THOC7: variants seen among roughly 807,000 people sequenced by gnomAD.
THOC7 encodes NIF3L1-binding protein 1.
A neutral mutation model predicts 33.1 loss-of-function variants in THOC7; 22 were observed. That is an observed-to-expected ratio of 0.66 (90% confidence interval 0.47 to 0.95). The LOEUF is 0.95. Ranked by LOEUF, THOC7 falls within the 40% of genes least tolerant of loss-of-function variation. The pLI, the probability that THOC7 is intolerant of heterozygous loss-of-function variation, is 0.00. For missense variants in THOC7, 184 were observed against 245.3 expected, an observed-to-expected ratio of 0.75 and a Z score of 1.67; for synonymous variants, 77 against 76.8, an observed-to-expected ratio of 1.00 and a Z score of -0.01.
chr3:63,846,245 T>C (rs1431900768), intron 1 of THOC7: 1 of 447,838 alleles, frequency 2.2e-6, no homozygotes, highest in Admixed American at 2.4e-5. Context: ...ACAGTTTCCT[T>C]ATAAGAGAAT....
chr3:63,846,156 C>T (rs1386168002), intron 1 of THOC7: 1 of 435,272 alleles, frequency 2.3e-6, no homozygotes, highest in Admixed American at 2.5e-5. Context: ...TCTTTCTTTG[C>T]CTGAATATTT....
At chr3:63,834,370 A>G (rs755501353) in intron 7 of THOC7, among the ~76,000 whole-genome samples, 171 bp from the exon 8 acceptor site, 8 of 152,114 alleles carry the variant, frequency 5.3e-5, no homozygotes, top group Non-Finnish European at 1.2e-4. Context: ...TAAAAAAAAA[A>G]AAATCCAGGC....
At chr3:63,862,386 C>A (rs543413205) in intron 1 of THOC7, among the ~76,000 whole-genome samples, 54 of 152,218 alleles carry the variant, frequency 3.5e-4, no homozygotes, top group Middle Eastern at 3.2e-3. Flanking sequence ...CAACCTTGTA[C>A]TTCCTTGTGG....
At chr3:63,852,582 G>A (rs1702039802) in intron 1 of THOC7, among the ~76,000 whole-genome samples, 1 of 152,198 alleles carries the variant, frequency 6.6e-6, no homozygotes, top group Admixed American at 6.5e-5. Context: ...AGAACACTAG[G>A]GAGGCTGGAT....
At chr3:63,852,633 T>C (rs749732841) in intron 1 of THOC7, among the ~76,000 whole-genome samples, 3 of 151,946 alleles carry the variant, frequency 2.0e-5, no homozygotes, top group Non-Finnish European at 2.9e-5. Context: ...ATACAAGCAG[T>C]TGGGAGTCAG....
In THOC7 at chr3:63,863,658, C is replaced by T. The variant is rs946936069; in HGVS notation, c.19+114G>A. ...GGTCGGGAAGGCCGAAGCGCTCTGG[C>T]GAAGAGGCCGGGGAGGCCGAGGGGT... On this transcript the variant is annotated intron_variant, in intron 1 of 7. Transcript: ENST00000295899. 22 of 1,220,680 alleles carry T rather than the reference C, an allele frequency of 1.8e-5. No individual in the cohort carries two copies. In the African/African-American group the frequency reaches 2.8e-4, roughly 16 times the overall value. 75.6% of individuals were successfully genotyped at this position (1,220,680 alleles called of 1,614,324 possible).
chr3:63,844,641 T>G (rs961741608), intron 1 of THOC7, among the ~76,000 whole-genome samples: 1 of 152,182 alleles, frequency 6.6e-6, no homozygotes, highest in African/African-American at 2.4e-5. Flanking sequence ...GGAAATAGGT[T>G]AGTAATCTCG....
chr3:63,849,982 A>C (rs944004511), intron 1 of THOC7, among the ~76,000 whole-genome samples: 2 of 152,222 alleles, frequency 1.3e-5, no homozygotes, highest in Non-Finnish European at 2.9e-5. Flanking sequence ...CTGATGTCAC[A>C]CCAGAGACAA....
chr3:63,847,028 G>C (rs1285830560), intron 1 of THOC7, among the ~76,000 whole-genome samples: 1 of 152,096 alleles, frequency 6.6e-6, no homozygotes, highest in East Asian at 1.9e-4. Flanking sequence ...AAATTCACTA[G>C]TAGGAGGGCT....
chr3:63,842,453 G>A (rs1028069475), intron 1 of THOC7, among the ~76,000 whole-genome samples: 10 of 152,122 alleles, frequency 6.6e-5, no homozygotes, highest in Admixed American at 6.5e-5. Context: ...CAACCTAAGT[G>A]TCCACTGATC....
chr3:63,843,869 C>T (rs1280243455), intron 1 of THOC7, among the ~76,000 whole-genome samples: 1 of 151,952 alleles, frequency 6.6e-6, no homozygotes, highest in Non-Finnish European at 1.5e-5. Context: ...CCACTGCACT[C>T]CAGCCTGGGC....
chr3:63,836,874 T>C (rs188400763), intron 4 of THOC7, among the ~76,000 whole-genome samples: 4 of 152,056 alleles, frequency 2.6e-5, no homozygotes, highest in East Asian at 1.9e-4. Context: ...AGATAAGTCA[T>C]GTAACTCCTG....
chr3:63,863,814 CGG>C, upstream of THOC7: 1 of 1,234,248 alleles, frequency 8.1e-7, no homozygotes, highest in Non-Finnish European at 1.0e-6. Context: ...GCGGCGGCGG[CGG>C]CGGCGGCGCA....
In THOC7 at chr3:63,863,607, C is replaced by T. The variant is rs918390567; in HGVS notation, c.19+165G>A. 1.3e-5 allele frequency: 15 copies of T among 1,195,064 alleles called. No individual in the cohort carries two copies. In the African/African-American group the frequency reaches 2.2e-4, roughly 18 times the overall value. The allele number at this position is 1,195,064 out of a possible 1,614,324, so 74.0% of individuals were successfully genotyped here. On this transcript the variant is annotated intron_variant, in intron 1 of 7. Transcript: ENST00000295899. ...AGGAGGAAGGACTCAGGGAAGCAGC[C>T]GGGGAGGCCCGGGGCTCCGGGGAGA...
chr3:63,854,933 G>A (rs1430934066), intron 1 of THOC7, among the ~76,000 whole-genome samples: 1 of 151,290 alleles, frequency 6.6e-6, no homozygotes, highest in Non-Finnish European at 1.5e-5. Flanking sequence ...GCGTGAACCC[G>A]GGAGGCGGAG....
intron 1 of THOC7, among the ~76,000 whole-genome samples, chr3:63,850,311 C>A (rs1455913267): frequency 6.6e-6 from 1 of 151,840 alleles, no homozygotes; most frequent in Non-Finnish European, 1.5e-5. Context: ...AGCAATAACC[C>A]TGTCTCAGCC....
intron 1 of THOC7, among the ~76,000 whole-genome samples, chr3:63,843,670 G>A (rs868215570): frequency 3.0e-4 from 45 of 152,242 alleles, no homozygotes; most frequent in African/African-American, 1.1e-3. Flanking sequence ...GGAGGCCAAG[G>A]TGGGCGCATC....
chr3:63,840,823 C>A (rs1188625055), intron 1 of THOC7, among the ~76,000 whole-genome samples: 16 of 152,182 alleles, frequency 1.1e-4, no homozygotes, highest in Non-Finnish European at 2.1e-4. Flanking sequence ...GAAAACTGCA[C>A]TTTTATACAC....
chr3:63,835,468 C>G (rs1239558853), intron 5 of THOC7, 78 bp from the exon 6 acceptor site: 3 of 1,301,784 alleles, frequency 2.3e-6, no homozygotes, highest in Middle Eastern at 2.7e-4. Context: ...TTTTAAGTTA[C>G]TAGATAGGAT....
Sources: allele counts gnomAD v4.1 joint callset (sites outside exome capture counted in the v4.1 genomes callset), GRCh38; gene constraint gnomAD v4.1.1; transcripts MANE v1.5; gene names NCBI Gene and HGNC (gene_info 2026-07-23, HGNC 2026-07-21).